CNTNAP2: variants seen among roughly 807,000 people sequenced by gnomAD.
CNTNAP2 encodes contactin associated protein 2, also known as contactin-associated protein-like 2.
A neutral mutation model predicts 155.2 loss-of-function variants in CNTNAP2; 98 were observed. That is an observed-to-expected ratio of 0.63 (90% CI 0.54 to 0.75). CNTNAP2 has a LOEUF of 0.75. CNTNAP2 is among the 30% of genes least tolerant of loss of function. CNTNAP2 has a pLI of 0.00. For missense variants in CNTNAP2, 1,727 were observed against 1,688.1 expected (o/e 1.02, Z -0.40); for synonymous variants, 651 against 631.2 (o/e 1.03, Z -0.47).
chr7:147,963,106 C>T (rs1458115921), intron 14 of CNTNAP2, among the ~76,000 whole-genome samples: 4 of 152,040 alleles, frequency 2.6e-5, no homozygotes, highest in Non-Finnish European at 5.9e-5. Context: ...TACAAAATGA[C>T]ATAATCTTTA....
intron 13 of CNTNAP2, among the ~76,000 whole-genome samples, chr7:147,681,082 G>A (rs147014593): frequency 0.016 from 2,488 of 151,902 alleles, 220 homozygotes; most frequent in Admixed American, 0.15. Flanking sequence ...TTTCATAGTC[G>A]TAACCCACAT....
chr7:147,216,548 AAC>A (rs77555406), intron 8 of CNTNAP2, among the ~76,000 whole-genome samples: 82,014 of 151,716 alleles, frequency 0.54, 22,862 homozygotes, highest in African/African-American at 0.62. Context: ...ACCAACACTA[AAC>A]ACTAAACTTA....
At chr7:146,813,922 T>G (rs147287054) in intron 2 of CNTNAP2, among the ~76,000 whole-genome samples, 226 of 152,232 alleles carry the variant, frequency 1.5e-3, no homozygotes, top group African/African-American at 5.1e-3. Flanking sequence ...GAAGGGCATT[T>G]TCCCCTTTGC....
At chr7:147,915,343 CT>C (rs1336690112) in intron 14 of CNTNAP2, among the ~76,000 whole-genome samples, 1 of 152,184 alleles carries the variant, frequency 6.6e-6, no homozygotes, top group African/African-American at 2.4e-5. Context: ...TTTCATTGAT[CT>C]GAGTTCTGTG....
In CNTNAP2 at chr7:146,982,653, G is replaced by A. The variant is rs1019657140; in HGVS notation, c.403-61254G>A. Among the ~76,000 whole-genome samples, 7 of 152,104 alleles carry A rather than the reference G, an allele frequency of 4.6e-5. No homozygotes were observed. In the South Asian group the frequency reaches 1.2e-3, roughly 27 times the overall value. ...GATGTCACTAGCTCAATCACCAAGG[G>A]CAATGGACCATAAGATACTTATGTA... On this transcript the variant is annotated intron_variant, in intron 3 of 23. Coordinates refer to ENST00000361727, the MANE Select transcript of CNTNAP2 (RefSeq NM_014141.6).
intron 3 of CNTNAP2, among the ~76,000 whole-genome samples, chr7:146,912,731 CTG>C (rs951280459): frequency 3.3e-5 from 5 of 152,092 alleles, no homozygotes; most frequent in African/African-American, 4.8e-5. Context: ...TTTTTCTAGA[CTG>C]TGAAAAACAA....
At chr7:147,711,761 A>G (rs918828941) in intron 13 of CNTNAP2, among the ~76,000 whole-genome samples, 10 of 152,190 alleles carry the variant, frequency 6.6e-5, no homozygotes, top group African/African-American at 2.2e-4. Context: ...ACAATCAGCT[A>G]AGATGTCAAT....
chr7:146,405,716 T>C (rs1795781504), intron 1 of CNTNAP2, among the ~76,000 whole-genome samples: 1 of 152,226 alleles, frequency 6.6e-6, no homozygotes. Context: ...TTCAGAATTA[T>C]CAGGACAGGT....
intron 1 of CNTNAP2, among the ~76,000 whole-genome samples, chr7:146,296,712 G>A (rs922704505): frequency 1.3e-5 from 2 of 150,136 alleles, no homozygotes; most frequent in African/African-American, 5.0e-5. Context: ...AATTAATTTG[G>A]CCACGTATTT....
rs147133916 is a variant in CNTNAP2 at position 147,100,975 on chromosome 7, G to A, written c.551-7172G>A. ...CAATAGACCAAGGCTGTTTCACACA[G>A]GCAGGCTTTCTAGTGGTGAGGCTTA... On this transcript the variant is annotated intron_variant, in intron 4 of 23. Coordinates refer to ENST00000361727, the MANE Select transcript of CNTNAP2 (RefSeq NM_014141.6). 1.6e-3 allele frequency among the ~76,000 whole-genome samples: 237 copies of A among 152,284 alleles called. 2 individuals carry two copies. Among genetic ancestry groups the A allele is most frequent in the African/African-American group, 5.3e-3 (220 of 41,558 alleles).
chr7:148,301,324 G>T (rs867021300), intron 21 of CNTNAP2, among the ~76,000 whole-genome samples: 3,059 of 110,666 alleles, frequency 0.028, 91 homozygotes, highest in African/African-American at 0.041. Flanking sequence ...TATATATATA[G>T]GTTAAAATGT....
At chr7:147,870,960 G>A (rs922275333) in intron 13 of CNTNAP2, among the ~76,000 whole-genome samples, 16 of 151,888 alleles carry the variant, frequency 1.1e-4, no homozygotes, top group African/African-American at 3.9e-4. Context: ...CTATTACCTG[G>A]TCCCAGGTAA....
chr7:146,551,922 T>C (rs1342131246), intron 1 of CNTNAP2, among the ~76,000 whole-genome samples: 2 of 152,242 alleles, frequency 1.3e-5, no homozygotes, highest in South Asian at 2.1e-4. Context: ...TATGATGTAA[T>C]CATTTTAATG....
chr7:147,340,363 C>T (rs1231091748), intron 9 of CNTNAP2, among the ~76,000 whole-genome samples: 1 of 152,092 alleles, frequency 6.6e-6, no homozygotes, highest in Non-Finnish European at 1.5e-5. Flanking sequence ...TCACAAAATA[C>T]ATACCCCCAA....
At position 147,111,758 on chromosome 7, in the gene CNTNAP2, G is replaced by T. The variant is rs1271794369; in HGVS notation, c.754+3408G>T. On this transcript the variant is annotated intron_variant, in intron 5 of 23. Transcript: ENST00000361727. ...GTTCATATCAGTACCATGCTGTTTT[G>T]GTTACAGTAGCCTTGCAGTAGAGTT... Among the ~76,000 whole-genome samples, 12 of 152,244 alleles carry T rather than the reference G, an allele frequency of 7.9e-5. No individual in the cohort carries two copies. In the East Asian group the frequency reaches 1.9e-3, roughly 25 times the overall value.
chr7:148,235,371 C>G (rs965499542), intron 20 of CNTNAP2, among the ~76,000 whole-genome samples: 1 of 152,134 alleles, frequency 6.6e-6, no homozygotes, highest in Admixed American at 6.5e-5. Flanking sequence ...ATGCCAGTTG[C>G]TATACAAATT....
At chr7:147,917,201 G>A (rs537468931) in intron 14 of CNTNAP2, among the ~76,000 whole-genome samples, 1 of 152,246 alleles carries the variant, frequency 6.6e-6, no homozygotes, top group South Asian at 2.1e-4. Context: ...TTATCATTAG[G>A]CCCTGCCTCA....
intron 12 of CNTNAP2, among the ~76,000 whole-genome samples, chr7:147,581,670 C>T (rs1800502287): frequency 6.6e-6 from 1 of 152,174 alleles, no homozygotes; most frequent in Admixed American, 6.6e-5. Context: ...TTTCCCTTCT[C>T]CCATCCAAAT....
At chr7:148,193,084 G>C (rs1473752171) in intron 18 of CNTNAP2, among the ~76,000 whole-genome samples, 1 of 151,972 alleles carries the variant, frequency 6.6e-6, no homozygotes, top group Non-Finnish European at 1.5e-5. Context: ...TTTTCACCTA[G>C]TATTCTAAAA....
Sources: allele counts gnomAD v4.1 joint callset (sites outside exome capture counted in the v4.1 genomes callset), GRCh38; gene constraint gnomAD v4.1.1; transcripts MANE v1.5; gene names NCBI Gene and HGNC (gene_info 2026-07-23, HGNC 2026-07-21).